The following CHODL variants were observed in gnomAD, a reference collection of about 807,000 sequenced individuals.
CHODL encodes the protein chondrolectin.
In CHODL, 29 loss-of-function variants were observed where a neutral mutation model predicts 34.5. The observed-to-expected ratio is 0.84, with a 90% confidence interval of 0.63 to 1.15. The LOEUF (loss-of-function observed/expected upper bound fraction) is 1.15. CHODL is among the 50% of genes most tolerant of loss of function. The pLI is 0.00. For missense variants in CHODL, 332 were observed against 332.5 expected (o/e 1.00, Z 0.01); for synonymous variants, 125 against 116.1 (o/e 1.08, Z -0.49).
chr21:18,126,927 G>C (rs2065553023), intron 2 of CHODL, among the ~76,000 whole-genome samples: 1 of 152,148 alleles, frequency 6.6e-6, no homozygotes. Flanking sequence ...GGAATACTCA[G>C]CTCTTACACA....
intron 1 of CHODL, among the ~76,000 whole-genome samples, chr21:17,921,551 A>T (rs2063183587): frequency 6.6e-6 from 1 of 152,238 alleles, no homozygotes; most frequent in Admixed American, 6.5e-5. Flanking sequence ...TGAAGGAGCC[A>T]CTAGGAAGAA....
At chr21:18,039,019 G>T (rs1009740902) in intron 2 of CHODL, among the ~76,000 whole-genome samples, 4 of 151,538 alleles carry the variant, frequency 2.6e-5, no homozygotes, top group Non-Finnish European at 4.4e-5. Context: ...CATGGGGATC[G>T]CAAGATGTCT....
chr21:17,981,321 T>C, intron 1 of CHODL, among the ~76,000 whole-genome samples: 1 of 152,194 alleles, frequency 6.6e-6, no homozygotes, highest in East Asian at 1.9e-4. Context: ...TTAATCCTTA[T>C]GAAACAGGAA....
In CHODL at chr21:18,013,634, G is replaced by GTTTTTTTTTTTTTTT. The variant is rs1568844372; in HGVS notation, c.-144-14238_-144-14237insTTTTTTTTTTTTTTT. ...AGATCATTGATTTTCTGCTGCTGCT[G>GTTTTTTTTTTTTTTT]CTTTTTTTTTTTTTTTTTGAGACAG... On this transcript the variant is annotated intron_variant, in intron 1 of 6. Coordinates refer to the CHODL transcript ENST00000400127. 5.8e-4 allele frequency among the ~76,000 whole-genome samples: 21 copies of GTTTTTTTTTTTTTTT among 36,258 alleles called. 1 individual carries two copies. The highest frequency in any genetic ancestry group is 9.3e-4 in the Admixed American group (4 of 4,296). 23.8% of individuals were successfully genotyped at this position (36,258 alleles called of 152,430 possible). A position where few individuals can be genotyped will look rare whatever the true frequency, so the allele number is the denominator to read the frequency against.
intron 2 of CHODL, among the ~76,000 whole-genome samples, chr21:18,194,630 T>C (rs1293850206): frequency 1.3e-5 from 2 of 152,044 alleles, no homozygotes; most frequent in African/African-American, 4.8e-5. Flanking sequence ...CTAATGCGTA[T>C]TTGACAAATA....
rs555237209 is a variant in CHODL, at chr21:18,180,786, C to T, written c.-44-75723C>T. On this transcript the variant is annotated intron_variant, in intron 2 of 6. Transcript: ENST00000400127. ...GAGGCCAAATATTGTTTAGGAGTTT[C>T]GCATATGGAATCAGCTAGAATTACC... Among the ~76,000 whole-genome samples the T allele has an allele frequency of 1.7e-4, 26 of 152,278 alleles. No homozygotes were observed. The South Asian group carries it at 3.1e-3, about 18-fold the overall frequency.
In CHODL at chr21:18,252,770, A is replaced by T. The variant is rs143004828; in HGVS notation, c.80-3739A>T. Among the ~76,000 whole-genome samples, 34 of 152,194 alleles carry T rather than the reference A, an allele frequency of 2.2e-4. No individual in the cohort carries two copies. In the East Asian group the frequency reaches 3.1e-3, roughly 14 times the overall value. ...TCAAACTCTGTAGACACAGCTGATG[A>T]TCAAACTTTAGAGTTAATAGATCTG... On this transcript the variant is annotated intron_variant, in intron 1 of 5. Transcript: ENST00000299295.
chr21:18,015,634 A>C (rs1225937011), intron 1 of CHODL, among the ~76,000 whole-genome samples: 1 of 152,202 alleles, frequency 6.6e-6, no homozygotes, highest in East Asian at 1.9e-4. Context: ...AATGAGGGAA[A>C]GTTTGGAATG....
At chr21:17,959,996 G>A (rs887881992) in intron 1 of CHODL, among the ~76,000 whole-genome samples, 1 of 152,088 alleles carries the variant, frequency 6.6e-6, no homozygotes, top group African/African-American at 2.4e-5. Flanking sequence ...GAACAGTGCG[G>A]GGGTGATAGA....
At chr21:18,218,084 G>A (rs868380897) in intron 2 of CHODL, among the ~76,000 whole-genome samples, 16 of 152,310 alleles carry the variant, frequency 1.1e-4, no homozygotes, top group Middle Eastern at 6.8e-3. Context: ...AGCTGTCAGT[G>A]GATCTACCAT....
chr21:18,073,430 C>G (rs1017093180), intron 2 of CHODL, among the ~76,000 whole-genome samples: 1 of 152,080 alleles, frequency 6.6e-6, no homozygotes, highest in African/African-American at 2.4e-5. Flanking sequence ...CTTTAATCAT[C>G]ATCCATCTTT....
intron 1 of CHODL, among the ~76,000 whole-genome samples, chr21:17,971,316 T>C (rs1353899866): frequency 6.6e-6 from 1 of 152,194 alleles, no homozygotes; most frequent in African/African-American, 2.4e-5. Flanking sequence ...CACACTGTCT[T>C]CCACAATAGT....
intron 2 of CHODL, among the ~76,000 whole-genome samples, chr21:18,229,107 A>G (rs1481428453): frequency 7.2e-5 from 11 of 152,216 alleles, no homozygotes; most frequent in Non-Finnish European, 1.6e-4. Flanking sequence ...TAGCAAAAGT[A>G]TGCCTTTGCA....
At chr21:18,206,972 G>T (rs920523163) in intron 2 of CHODL, among the ~76,000 whole-genome samples, 7 of 151,752 alleles carry the variant, frequency 4.6e-5, no homozygotes, top group African/African-American at 1.7e-4. Flanking sequence ...TGCCATGTTG[G>T]TTTGCTGCAC....
intron 2 of CHODL, among the ~76,000 whole-genome samples, chr21:18,213,233 A>G (rs1223320302): frequency 6.6e-6 from 1 of 152,104 alleles, no homozygotes; most frequent in Non-Finnish European, 1.5e-5. Context: ...TCAACCTTTA[A>G]TAACTGTAAG....
intron 2 of CHODL, among the ~76,000 whole-genome samples, chr21:18,136,444 C>T (rs2072729271): frequency 6.6e-6 from 1 of 151,974 alleles, no homozygotes; most frequent in East Asian, 1.9e-4. Flanking sequence ...AAAATGCTTC[C>T]CATGTACCAC....
intron 1 of CHODL, among the ~76,000 whole-genome samples, chr21:17,950,049 C>T (rs2063443322): frequency 6.6e-6 from 1 of 151,586 alleles, no homozygotes; most frequent in Non-Finnish European, 1.5e-5. Flanking sequence ...AAGACAATAC[C>T]CTAATCAAAA....
intron 1 of CHODL, among the ~76,000 whole-genome samples, chr21:18,252,949 C>T (rs934457647): frequency 2.0e-5 from 3 of 152,084 alleles, no homozygotes; most frequent in African/African-American, 7.2e-5. Flanking sequence ...AGCTGTCTAT[C>T]GTCCAGGGTC....
intron 2 of CHODL, among the ~76,000 whole-genome samples, chr21:18,094,742 C>CA (rs3984979): frequency 0.076 from 9,644 of 126,486 alleles, 813 homozygotes; most frequent in African/African-American, 0.21. Context: ...ATGTCTACAT[C>CA]AAAAAAAAAA....
Sources: allele counts gnomAD v4.1 joint callset (sites outside exome capture counted in the v4.1 genomes callset), GRCh38; gene constraint gnomAD v4.1.1; transcripts MANE v1.5; gene names NCBI Gene and HGNC (gene_info 2026-07-23, HGNC 2026-07-21).